The following POFUT3 variants were observed in gnomAD, a reference collection of about 807,000 sequenced individuals.
POFUT3 encodes the protein protein O-fucosyltransferase 3, also known as GDP-fucose protein O-fucosyltransferase 3.
At chr8:33,471,262 T>C in the POFUT3 span, among the ~76,000 whole-genome samples, 1 of 152,100 alleles carries the variant, frequency 6.6e-6, no homozygotes, top group Non-Finnish European at 1.5e-5. Flanking sequence ...GTTGTTGTTT[T>C]GTTTTGAGAC....
chr8:33,414,647 G>A, the POFUT3 span, among the ~76,000 whole-genome samples: 2 of 152,150 alleles, frequency 1.3e-5, no homozygotes, highest in East Asian at 1.9e-4. Flanking sequence ...AGTGAGCAGA[G>A]AGAATGCTTT....
At chr8:33,388,461 C>A in the POFUT3 span, among the ~76,000 whole-genome samples, 1 of 150,520 alleles carries the variant, frequency 6.6e-6, no homozygotes, top group Admixed American at 6.7e-5. Context: ...TTCAGCCTCT[C>A]GAGTAGCTGG....
At chr8:33,460,155 C>A in the POFUT3 span, among the ~76,000 whole-genome samples, 2,480 of 151,056 alleles carry the variant, frequency 0.016, 83 homozygotes, top group African/African-American at 0.057. Context: ...TGCCACTGCA[C>A]TCCAGCCTGG....
the POFUT3 span, among the ~76,000 whole-genome samples, chr8:33,394,762 C>T: frequency 6.6e-6 from 1 of 152,024 alleles, no homozygotes; most frequent in African/African-American, 2.4e-5. Flanking sequence ...AAAGCAGAGA[C>T]TTCCTTTCTG....
At chr8:33,466,962 G>A in the POFUT3 span, among the ~76,000 whole-genome samples, 7 of 152,092 alleles carry the variant, frequency 4.6e-5, no homozygotes, top group Middle Eastern at 3.4e-3. Context: ...AAAATTAGCC[G>A]GGTGTGGTGG....
At chr8:33,330,524 G>A in the POFUT3 span, among the ~76,000 whole-genome samples, 1 of 152,114 alleles carries the variant, frequency 6.6e-6, no homozygotes, top group Non-Finnish European at 1.5e-5. Context: ...ATGCACATTA[G>A]CTGGAAAAGT....
At chr8:33,401,542 C>T in the POFUT3 span, among the ~76,000 whole-genome samples, 2 of 152,118 alleles carry the variant, frequency 1.3e-5, no homozygotes, top group African/African-American at 2.4e-5. Context: ...AATCTTTTCA[C>T]ATACGTGAAA....
At chr8:33,357,384 A>T in the POFUT3 span, among the ~76,000 whole-genome samples, 5 of 151,946 alleles carry the variant, frequency 3.3e-5, no homozygotes, top group African/African-American at 1.2e-4. Flanking sequence ...AAATCTAAGA[A>T]TTTTAGGGGC....
the POFUT3 span, among the ~76,000 whole-genome samples, chr8:33,420,190 TATATCTA>T: frequency 6.6e-6 from 1 of 152,182 alleles, no homozygotes; most frequent in Non-Finnish European, 1.5e-5. Flanking sequence ...GTGTGTCTCA[TATATCTA>T]ATGGAACACT....
At chr8:33,431,316 G>T in the POFUT3 span, among the ~76,000 whole-genome samples, 2 of 151,806 alleles carry the variant, frequency 1.3e-5, no homozygotes, top group Non-Finnish European at 2.9e-5. Context: ...GGGAGCCAAG[G>T]CAGGCGGATC....
At chr8:33,390,031 C>T in the POFUT3 span, among the ~76,000 whole-genome samples, 1 of 152,082 alleles carries the variant, frequency 6.6e-6, no homozygotes, top group Non-Finnish European at 1.5e-5. Context: ...CCTGTCTCTG[C>T]TAAAAATACA....
At chr8:33,372,408 AG>A in the POFUT3 span, 3 of 1,403,144 alleles carry the variant, frequency 2.1e-6, no homozygotes, top group Non-Finnish European at 2.8e-6. Flanking sequence ...GCTACCCCTA[AG>A]GGTAATTTAC....
At chr8:33,432,102 C>G in the POFUT3 span, among the ~76,000 whole-genome samples, 1 of 152,058 alleles carries the variant, frequency 6.6e-6, no homozygotes, top group Non-Finnish European at 1.5e-5. Flanking sequence ...TAGTGAGACC[C>G]TGTCTCTATT....
At chr8:33,344,034 C>T in the POFUT3 span, among the ~76,000 whole-genome samples, 1 of 152,152 alleles carries the variant, frequency 6.6e-6, no homozygotes, top group South Asian at 2.1e-4. Context: ...TCTTTTCAGC[C>T]TTCCAAAACT....
At chr8:33,348,465 T>A in the POFUT3 span, among the ~76,000 whole-genome samples, 2 of 152,286 alleles carry the variant, frequency 1.3e-5, no homozygotes, top group East Asian at 3.9e-4. Context: ...GGTGTGTGGA[T>A]GTGCACACAT....
At chr8:33,326,245 C>T in the POFUT3 span, among the ~76,000 whole-genome samples, 1,123 of 152,194 alleles carry the variant, frequency 7.4e-3, 16 homozygotes, top group African/African-American at 0.025. Context: ...TCTCAGGGAA[C>T]ATGTGAGAGT....
the POFUT3 span, among the ~76,000 whole-genome samples, chr8:33,347,480 C>T: frequency 1.3e-5 from 2 of 152,140 alleles, no homozygotes; most frequent in Non-Finnish European, 1.5e-5. Context: ...ATTACTCATG[C>T]TTGTTGCTAA....
At chr8:33,403,157 G>A in the POFUT3 span, among the ~76,000 whole-genome samples, 3 of 151,908 alleles carry the variant, frequency 2.0e-5, no homozygotes, top group Non-Finnish European at 4.4e-5. Flanking sequence ...AAGGAAAGGG[G>A]GTAGAAAGAA....
At chr8:33,388,241 T>C in the POFUT3 span, among the ~76,000 whole-genome samples, 1 of 151,480 alleles carries the variant, frequency 6.6e-6, no homozygotes. Flanking sequence ...GGAGTGTCAG[T>C]GTGAGAGGTC....
Sources: gnomAD v4.1 joint callset for allele counts (sites outside exome capture counted in the v4.1 genomes callset) on GRCh38, gnomAD v4.1.1 for gene constraint, MANE v1.5 for transcripts, NCBI Gene and HGNC (gene_info 2026-07-23, HGNC 2026-07-21) for gene names.